PNPLA8: variants seen among roughly 807,000 people sequenced by gnomAD.
PNPLA8 encodes calcium-independent phospholipase A2-gamma.
PNPLA8 carries 39 observed loss-of-function variants against 76.9 expected under a neutral mutation model. The observed-to-expected ratio is 0.51, with a 90% CI of 0.39 to 0.66. PNPLA8 has a LOEUF of 0.66. Among genes scored for constraint, PNPLA8 ranks in the 30% least tolerant of loss-of-function variants. The pLI, the probability that PNPLA8 is intolerant of heterozygous loss-of-function variation, is 0.00. For synonymous variants in PNPLA8, 301 were observed against 307.9 expected (o/e 0.98, Z 0.24); for missense variants, 887 against 918.0 (o/e 0.97, Z 0.44).
intron 2 of PNPLA8, among the ~76,000 whole-genome samples, chr7:108,516,111 C>G (rs547503880): frequency 6.6e-6 from 1 of 152,206 alleles, no homozygotes; most frequent in Admixed American, 6.5e-5. Flanking sequence ...GATTTCACTA[C>G]CTAAGTAATA....
Position 108,502,639 on chromosome 7 carries a change from T to C in PNPLA8, c.1210A>G (p.Arg404Gly). 1 of 1,601,430 alleles carries C rather than the reference T, an allele frequency of 6.2e-7. No homozygotes were observed. Among genetic ancestry groups the C allele is most frequent in the Non-Finnish European group, 8.5e-7 (1 of 1,171,058 alleles). ...PEGKGVAVKE[R>G]IIPYLLRLRQ... Reference sequence around the variant, plus strand: ...AGTCGTAATAAATATGGAATAATTCTTTCCTATATTGAGAGAAAAGATACT... The same window carrying C: ...AGTCGTAATAAATATGGAATAATTCCTTCCTATATTGAGAGAAAAGATACT... The change falls in exon 5 of 11, where the codon AGA becomes GGA. Residue 404 changes from arginine to glycine, a missense_variant. Transcript: ENST00000257694.
At chr7:108,526,550 C>T (rs554775222), upstream of PNPLA8, among the ~76,000 whole-genome samples, 3 of 152,234 alleles carry the variant, frequency 2.0e-5, no homozygotes, top group Admixed American at 6.5e-5. Context: ...CTCCGCGTCC[C>T]TGAAGCCCCT....
rs748420936 is a variant in PNPLA8 at position 108,472,708 on chromosome 7, T to C, written c.2075-33A>G. On this transcript the variant is annotated intron_variant, in intron 10 of 10. Transcript: ENST00000257694. The stretch of plus-strand genomic sequence containing the variant: ...AGCAAAAAAGAAAAGGATAAGGGGA[T>C]AAGAAAAGAGGGGATAAAGTGAGCA... The C allele has an allele frequency of 1.2e-5, 18 of 1,491,638 alleles. 1 individual carries two copies. The Middle Eastern group carries it at 1.1e-3, about 88-fold the overall frequency. 92.4% of individuals were successfully genotyped at this position (1,491,638 alleles called of 1,614,324 possible). A position where few individuals can be genotyped will look rare whatever the true frequency, so the allele number is the denominator to read the frequency against.
intron 7 of PNPLA8, among the ~76,000 whole-genome samples, chr7:108,493,423 T>A (rs1473833678): frequency 2.0e-5 from 3 of 151,880 alleles, no homozygotes; most frequent in Admixed American, 6.6e-5. Context: ...ATATATATAT[T>A]TTTTGAGACG....
intron 7 of PNPLA8, among the ~76,000 whole-genome samples, chr7:108,493,567 G>GATTTTTTTTTTTTTTT (rs1563951361): frequency 9.5e-6 from 1 of 105,656 alleles, no homozygotes. Flanking sequence ...CCCATGCCTG[G>GATTTTTTTTTTTTTTT]CTTTTTTTTT....
intron 2 of PNPLA8, among the ~76,000 whole-genome samples, chr7:108,516,198 T>C (rs1308964024): frequency 6.6e-6 from 1 of 152,172 alleles, no homozygotes; most frequent in Non-Finnish European, 1.5e-5. Context: ...AACCACTATG[T>C]AAAAAGAACA....
chr7:108,527,627 C>A (rs983872394), upstream of PNPLA8: 1 of 152,084 alleles, frequency 6.6e-6, no homozygotes, highest in Non-Finnish European at 1.5e-5. Context: ...GGATTTATAA[C>A]CAGCAAGCAG....
At position 108,505,334 on chromosome 7, in the gene PNPLA8, ATATATATATATATATATATTTTTTTTTT is replaced by A. The variant is rs1563967862; in HGVS notation, c.1207-2720_1207-2693del. On this transcript the variant is annotated intron_variant, in intron 4 of 10. Coordinates refer to ENST00000257694, the MANE Select transcript of PNPLA8 (RefSeq NM_001256007.3). ...TATATATATATATATATATATATATATATATATATATATATATATTTTTTTTTTTTTTTTTTTTTTTTTTTTTGAGACG... is the reference window on the plus strand; with the variant it reads ...TATATATATATATATATATATATATATTTTTTTTTTTTTTTTTTTGAGACG... Among the ~76,000 whole-genome samples the A allele has an allele frequency of 2.0e-3, 11 of 5,486 alleles. 1 individual carries two copies. Among genetic ancestry groups the A allele is most frequent in the African/African-American group, 8.7e-3 (10 of 1,148 alleles). 3.6% of individuals were successfully genotyped at this position (5,486 alleles called of 152,430 possible). A position where few individuals can be genotyped will look rare whatever the true frequency, so the allele number is the denominator to read the frequency against.
chr7:108,508,871 G>A (rs1228317816), intron 4 of PNPLA8, among the ~76,000 whole-genome samples: 3 of 135,772 alleles, frequency 2.2e-5, no homozygotes, highest in Non-Finnish European at 3.2e-5. Context: ...AAATAACGCC[G>A]CATACCTACA....
At chr7:108,475,568 G>C (rs556347053) in intron 10 of PNPLA8, among the ~76,000 whole-genome samples, 1 of 152,072 alleles carries the variant, frequency 6.6e-6, no homozygotes, top group Non-Finnish European at 1.5e-5. Context: ...TACATGTATT[G>C]ATTTATTTAG....
intron 10 of PNPLA8, among the ~76,000 whole-genome samples, chr7:108,473,475 T>A (rs1055137523): frequency 2.1e-4 from 32 of 152,004 alleles, no homozygotes; most frequent in Non-Finnish European, 1.9e-4. Context: ...ATGCTTATTT[T>A]AAAAAAAACC....
intron 4 of PNPLA8, among the ~76,000 whole-genome samples, chr7:108,512,813 T>G (rs1476862635): frequency 1.3e-5 from 2 of 152,160 alleles, no homozygotes; most frequent in Non-Finnish European, 2.9e-5. Context: ...CTATATTACA[T>G]TTTTTCATAG....
intron 10 of PNPLA8, among the ~76,000 whole-genome samples, chr7:108,477,667 C>T (rs1860095467): frequency 6.6e-6 from 1 of 152,116 alleles, no homozygotes; most frequent in Non-Finnish European, 1.5e-5. Context: ...CAAGACCAGC[C>T]TGGGCAACAC....
At chr7:108,505,448 C>A (rs528446054) in intron 4 of PNPLA8, among the ~76,000 whole-genome samples, 1 of 145,016 alleles carries the variant, frequency 6.9e-6, no homozygotes, top group Non-Finnish European at 1.5e-5. Context: ...CCGCAACCTC[C>A]GCCTCCCAGG....
At chr7:108,474,697 C>A (rs1859860063) in intron 10 of PNPLA8, among the ~76,000 whole-genome samples, 1 of 152,158 alleles carries the variant, frequency 6.6e-6, no homozygotes, top group Admixed American at 6.5e-5. Context: ...TGTCCTTTCC[C>A]ACTGAGTTAC....
chr7:108,497,569 AC>A lies in PNPLA8; in HGVS notation c.1366del (p.Val456LeufsTer9). On this transcript the variant is annotated frameshift_variant, in exon 6 of 11. Transcript: ENST00000257694. LOFTEE classifies it high-confidence loss of function. ...SIDGGGTRGV[V>X]ALQTLRKLVE... ...TAATTTTCGTAGGGTCTGGAGAGCA[AC>A]CACGCCCCTACAGAAAAGATTAAAG... 1 of 1,585,634 alleles carries A rather than the reference AC, an allele frequency of 6.3e-7. No homozygotes were observed. The highest frequency in any genetic ancestry group is 8.6e-7 in the Non-Finnish European group (1 of 1,164,566).
intron 2 of PNPLA8, chr7:108,518,228 T>C (rs1341374096): frequency 1.3e-5 from 2 of 152,232 alleles, no homozygotes; most frequent in African/African-American, 4.8e-5. Flanking sequence ...GATTTCCACA[T>C]GAATTTTGAG....
chr7:108,479,170 C>A lies in PNPLA8; in HGVS notation c.2074+14G>T. 1 of 1,584,492 alleles carries A rather than the reference C, an allele frequency of 6.3e-7. No homozygotes were observed. The highest frequency in any genetic ancestry group is 1.1e-5 in the South Asian group (1 of 88,936). ...TAGAAGTTGAAGTATTTTAAAGCAG[C>A]AAACAAGACTAACCTTCTGTATCTG... On this transcript the variant is annotated intron_variant, in intron 10 of 10. Coordinates refer to ENST00000257694, the MANE Select transcript of PNPLA8 (RefSeq NM_001256007.3).
At chr7:108,505,143 A>C (rs572868785) in intron 4 of PNPLA8, among the ~76,000 whole-genome samples, 21 of 151,080 alleles carry the variant, frequency 1.4e-4, no homozygotes, top group African/African-American at 4.9e-4. Flanking sequence ...TTTATGATAA[A>C]GGTCTTTTCA....
Sources: allele counts gnomAD v4.1 joint callset (sites outside exome capture counted in the v4.1 genomes callset), GRCh38; gene constraint gnomAD v4.1.1; transcripts MANE v1.5; gene names NCBI Gene and HGNC (gene_info 2026-07-23, HGNC 2026-07-21).